Variants in DCAF6 observed in about 807,000 individuals in gnomAD.
DCAF6 encodes the protein DDB1 and CUL4 associated factor 6.
Under a neutral mutation model 125.1 loss-of-function variants are expected in DCAF6, and 54 were observed. The observed-to-expected ratio is 0.43, with a 90% CI of 0.35 to 0.54. The LOEUF (loss-of-function observed/expected upper bound fraction) is 0.54. Ranked by LOEUF, DCAF6 falls within the 20% of genes least tolerant of loss-of-function variation. The probability of loss-of-function intolerance (pLI) is 0.01; values close to 1 mark genes in which losing one functional copy is unlikely to be tolerated. For missense variants in DCAF6, 934 were observed against 1,161.7 expected, an observed-to-expected ratio of 0.80 and a Z score of 2.85; for synonymous variants, 371 against 390.4, an observed-to-expected ratio of 0.95 and a Z score of 0.58.
chr1:168,044,803 C>G, intron 15 of DCAF6, 97 bp from the exon 16 acceptor site: 1 of 1,444,890 alleles, frequency 6.9e-7, no homozygotes, highest in East Asian at 2.3e-5. Flanking sequence ...AGGAATTAGA[C>G]ATCATATTAG....
At chr1:167,977,846 C>T (rs867427621) in intron 4 of DCAF6, among the ~76,000 whole-genome samples, 21 of 152,166 alleles carry the variant, frequency 1.4e-4, no homozygotes, top group African/African-American at 4.6e-4. Flanking sequence ...TGAATTATCA[C>T]AAAGCAAATC....
the DCAF6 span, chr1:167,880,603 AG>A: frequency 6.2e-7 from 1 of 1,612,156 alleles, no homozygotes; most frequent in South Asian, 1.1e-5. Context: ...CAGAGGAAAG[AG>A]CAGCCCTGTG....
chr1:168,044,707 G>A lies in DCAF6; in HGVS notation c.1930+36G>A, dbSNP rs201756029. The A allele has an allele frequency of 1.9e-6, 3 of 1,541,468 alleles. No homozygotes were observed. In the East Asian group the frequency reaches 6.7e-5, roughly 35 times the overall value. The stretch of plus-strand genomic sequence containing the variant: ...CCCTTTAGATAATTGCTTTGTATGG[G>A]AAAATAAAAAGCCTTAATCTATGTT... On this transcript the variant is annotated intron_variant, in intron 15 of 21. Coordinates refer to ENST00000367840, the MANE Select transcript of DCAF6 (RefSeq NM_001198956.2).
At chr1:168,035,173 C>T (rs866720358) in intron 12 of DCAF6, among the ~76,000 whole-genome samples, 28 of 152,150 alleles carry the variant, frequency 1.8e-4, no homozygotes, top group African/African-American at 5.1e-4. Flanking sequence ...GGGCCAAGTG[C>T]GGTGGCTCAC....
At chr1:167,922,234 A>G in the DCAF6 span, among the ~76,000 whole-genome samples, 1 of 152,162 alleles carries the variant, frequency 6.6e-6, no homozygotes, top group Non-Finnish European at 1.5e-5. Context: ...TATGATTTCA[A>G]CATGTACTTA....
chr1:167,965,669 G>A (rs1219557808), intron 2 of DCAF6, among the ~76,000 whole-genome samples: 7 of 151,960 alleles, frequency 4.6e-5, no homozygotes, highest in East Asian at 3.9e-4. Context: ...GCTCTGTCGC[G>A]TAGGCTGGGT....
At chr1:168,066,308 G>A in intron 19 of DCAF6, 69 bp from the exon 20 acceptor site, 2 of 953,506 alleles carry the variant, frequency 2.1e-6, no homozygotes. Context: ...ATACATATAT[G>A]CATAATATAA....
In DCAF6 at chr1:167,991,292, G is replaced by C; in HGVS notation, c.641G>C (p.Ser214Thr). Reference sequence around the variant, plus strand: ...TACCTTGCTGTTGGTTGTTCTGACAGCTCAGTACGAATATATGATCGGCGA... The same window carrying C: ...TACCTTGCTGTTGGTTGTTCTGACACCTCAGTACGAATATATGATCGGCGA... ...PYYLAVGCSDSSVRIYDRRML... is the reference protein window; with the variant it reads ...PYYLAVGCSDTSVRIYDRRML... Residue 214 changes from serine to threonine, a missense_variant, in exon 6 of 22, where the codon AGC becomes ACC. This residue lies in a region of DCAF6 where 309 missense variants were observed against 381.2 expected (regional missense o/e 0.81). Transcript: ENST00000367840. 1 of 1,613,602 alleles carries C rather than the reference G, an allele frequency of 6.2e-7. No individual in the cohort carries two copies. Among genetic ancestry groups the C allele is most frequent in the Non-Finnish European group, 8.5e-7 (1 of 1,179,840 alleles).
chr1:168,042,875 AATG>A, intron 13 of DCAF6, 147 bp from the exon 14 acceptor site: 1 of 552,324 alleles, frequency 1.8e-6, no homozygotes, highest in South Asian at 2.7e-5. Context: ...ATTTGTTTGA[AATG>A]ATGTTTACAA....
chr1:168,017,290 C>A (rs1685111205), intron 11 of DCAF6, among the ~76,000 whole-genome samples: 1 of 149,758 alleles, frequency 6.7e-6, no homozygotes, highest in Non-Finnish European at 1.5e-5. Context: ...AATCATGAAA[C>A]CTAAAAGTCA....
At chr1:167,892,621 C>G in the DCAF6 span, among the ~76,000 whole-genome samples, 1 of 152,046 alleles carries the variant, frequency 6.6e-6, no homozygotes, top group Non-Finnish European at 1.5e-5. Context: ...CTTTTTTAAG[C>G]TTCAAAAGCC....
chr1:168,039,624 T>G (rs532008243), intron 13 of DCAF6, among the ~76,000 whole-genome samples: 1 of 147,680 alleles, frequency 6.8e-6, no homozygotes, highest in South Asian at 2.1e-4. Flanking sequence ...TAATATATAA[T>G]TATACCAATT....
chr1:168,017,526 C>T (rs1162519750), intron 11 of DCAF6, among the ~76,000 whole-genome samples: 1 of 151,968 alleles, frequency 6.6e-6, no homozygotes, highest in Non-Finnish European at 1.5e-5. Flanking sequence ...AATCAGAAAG[C>T]TTTAGAGTGA....
At chr1:168,065,528 G>A in intron 18 of DCAF6, 62 bp from the exon 19 acceptor site, 1 of 1,154,372 alleles carries the variant, frequency 8.7e-7, no homozygotes. Context: ...TGTAAGAGTA[G>A]CATAAATCTT....
rs767564978 is a variant in DCAF6, at chr1:168,075,425, A to G, written c.2846A>G (p.Asp949Gly). Residue 949 changes from aspartate to glycine, a missense_variant, in exon 22 of 22, where the codon GAT (aspartate) becomes GGT (glycine). Physicochemically the swap from Asp to Gly is moderately conservative, Grantham distance 94 (BLOSUM62 -1). Coordinates refer to ENST00000367840, the MANE Select transcript of DCAF6 (RefSeq NM_001198956.2). ...EGSGQENENE[D>G]EE ...TCTGGTCAAGAGAATGAAAATGAGG[A>G]TGAGGAATAATAAACTCTTTTTGGC... 34 of 1,599,430 alleles carry G rather than the reference A, an allele frequency of 2.1e-5. No individual in the cohort carries two copies. The highest frequency in any genetic ancestry group is 2.9e-5 in the Non-Finnish European group (34 of 1,176,032).
intron 14 of DCAF6, 111 bp from the exon 15 acceptor site, chr1:168,044,474 T>C (rs1688914530): frequency 1.4e-6 from 1 of 721,798 alleles, no homozygotes; most frequent in East Asian, 2.4e-5. Context: ...GCAAATATTA[T>C]GCCATTATAT....
chr1:167,936,027 A>C (rs1671164482), upstream of DCAF6: 1 of 605,336 alleles, frequency 1.7e-6, no homozygotes, highest in Non-Finnish European at 3.0e-6. Context: ...CGCCCCGCGA[A>C]GGTTGAGGGG....
chr1:167,937,772 C>T (rs1671547575), intron 1 of DCAF6, among the ~76,000 whole-genome samples: 1 of 151,952 alleles, frequency 6.6e-6, no homozygotes, highest in East Asian at 1.9e-4. Context: ...TTCTAGGTCA[C>T]GCCCGAGTCA....
chr1:168,056,331 C>T (rs1369203018), intron 17 of DCAF6: 1 of 1,600,556 alleles, frequency 6.2e-7, no homozygotes, highest in African/African-American at 1.4e-5. Flanking sequence ...CCCCAGCTGC[C>T]AGGGCCTCGG....
Sources: gnomAD v4.1 joint callset for allele counts (sites outside exome capture counted in the v4.1 genomes callset) on GRCh38, gnomAD v4.1.1 for gene constraint, gnomAD v4.1.1 regional missense constraint, MANE v1.5 for transcripts, NCBI Gene and HGNC (gene_info 2026-07-23, HGNC 2026-07-21) for gene names.